The following CNTLN variants were observed in gnomAD, a reference collection of about 807,000 sequenced individuals.
The protein encoded by CNTLN is centlein, also known as centlein, centrosomal protein.
In CNTLN, 212 loss-of-function variants were observed where a neutral mutation model predicts 180.0. The ratio of observed to expected loss-of-function variants is 1.18; its 90% CI spans 1.05 to 1.32. The LOEUF is 1.32. Ranked by LOEUF, CNTLN falls within the 40% of genes most tolerant of loss-of-function variation. The pLI, the probability that CNTLN is intolerant of heterozygous loss-of-function variation, is 0.00. For missense variants in CNTLN, 2,095 were observed against 1,610.9 expected (o/e 1.30, Z -5.14); for synonymous variants, 722 against 563.1 (o/e 1.28, Z -3.99).
At chr9:17,157,770 A>G (rs1048234149) in intron 2 of CNTLN, among the ~76,000 whole-genome samples, 10 of 152,148 alleles carry the variant, frequency 6.6e-5, no homozygotes, top group African/African-American at 2.4e-4. Flanking sequence ...CTTAGTACTT[A>G]TTTGTGAATA....
At chr9:17,447,408 C>A in intron 18 of CNTLN, 1 of 173,194 alleles carries the variant, frequency 5.8e-6, no homozygotes. Flanking sequence ...CCTGGCTTGG[C>A]TTTAAACGTG....
chr9:17,464,387 C>A (rs908762951), intron 20 of CNTLN, 110 bp from the exon 21 acceptor site: 1 of 849,912 alleles, frequency 1.2e-6, no homozygotes, highest in African/African-American at 1.8e-5. Flanking sequence ...GTGTCAATAT[C>A]ACGTAGCATT....
intron 3 of CNTLN, among the ~76,000 whole-genome samples, chr9:17,230,738 G>T (rs1463870096): frequency 6.6e-6 from 1 of 152,030 alleles, no homozygotes. Context: ...AGGAATAATT[G>T]TGTGATCTTC....
At chr9:17,330,105 T>G (rs1328144673) in intron 8 of CNTLN, among the ~76,000 whole-genome samples, 1 of 152,060 alleles carries the variant, frequency 6.6e-6, no homozygotes, top group Non-Finnish European at 1.5e-5. Context: ...GAAACATGAA[T>G]AAATTTCAAA....
chr9:17,415,789 A>G lies in CNTLN; in HGVS notation c.2798A>G (p.Asp933Gly). 6.4e-7 allele frequency: 1 copy of G among 1,571,428 alleles called. No individual in the cohort carries two copies. The highest frequency in any genetic ancestry group is 8.7e-7 in the Non-Finnish European group (1 of 1,143,558). ...YLNIDGKTPK[D>G]YFHDKNAKKP... ...TTTTTATGAAATCTTCAAATTTAGG[A>G]CTATTTTCATGATAAGAATGCCAAA... Residue 933 changes from aspartate (D) to glycine (G), a missense_variant and splice_region_variant, in exon 17 of 26, where the codon GAC (aspartate) becomes GGC (glycine). By Grantham distance (94) the Asp-to-Gly change is moderately conservative. Transcript: ENST00000380647.
the CNTLN span, among the ~76,000 whole-genome samples, chr9:17,526,738 TA>T: frequency 2.0e-4 from 20 of 100,016 alleles, no homozygotes; most frequent in African/African-American, 5.1e-4. Flanking sequence ...GTAAAACATG[TA>T]AAAAAATTAA....
chr9:17,488,343 T>C (rs1178047573), intron 25 of CNTLN, among the ~76,000 whole-genome samples: 1 of 152,114 alleles, frequency 6.6e-6, no homozygotes, highest in African/African-American at 2.4e-5. Flanking sequence ...CAGAGGCCAT[T>C]TCTTAATCAT....
chr9:17,326,905 A>G (rs960557204), intron 8 of CNTLN, among the ~76,000 whole-genome samples: 1 of 152,160 alleles, frequency 6.6e-6, no homozygotes, highest in Admixed American at 6.5e-5. Flanking sequence ...ATAGGAACTA[A>G]ATGTAATGTA....
At chr9:17,250,740 T>A (rs1318880875) in intron 5 of CNTLN, among the ~76,000 whole-genome samples, 1 of 152,046 alleles carries the variant, frequency 6.6e-6, no homozygotes, top group Non-Finnish European at 1.5e-5. Flanking sequence ...TTTATATAGT[T>A]TTTATGTGTT....
chr9:17,216,829 T>G (rs1274112847), intron 2 of CNTLN, among the ~76,000 whole-genome samples: 2 of 152,200 alleles, frequency 1.3e-5, no homozygotes, highest in Non-Finnish European at 2.9e-5. Flanking sequence ...GGTTGCAGTT[T>G]GGAGCATGAT....
chr9:17,272,863 A>T (rs1828045309), intron 5 of CNTLN, among the ~76,000 whole-genome samples: 1 of 151,896 alleles, frequency 6.6e-6, no homozygotes, highest in Non-Finnish European at 1.5e-5. Flanking sequence ...AGATAGAGTA[A>T]GTTTTTAAAA....
intron 2 of CNTLN, among the ~76,000 whole-genome samples, chr9:17,191,660 A>C (rs1821796157): frequency 6.6e-6 from 1 of 152,214 alleles, no homozygotes; most frequent in African/African-American, 2.4e-5. Flanking sequence ...TTTTTGATGG[A>C]AAAATGCTTA....
intron 5 of CNTLN, among the ~76,000 whole-genome samples, chr9:17,238,409 T>C (rs937601408): frequency 6.6e-6 from 1 of 152,186 alleles, no homozygotes; most frequent in African/African-American, 2.4e-5. Flanking sequence ...TCACTGATCT[T>C]CTCCCAGCTT....
At chr9:17,331,310 C>T (rs550807499) in intron 9 of CNTLN, among the ~76,000 whole-genome samples, 1 of 151,492 alleles carries the variant, frequency 6.6e-6, no homozygotes, top group Non-Finnish European at 1.5e-5. Flanking sequence ...AAAGGGATAG[C>T]ATTAAGAGAA....
At chr9:17,165,863 G>C (rs1339632876) in intron 2 of CNTLN, among the ~76,000 whole-genome samples, 1 of 152,172 alleles carries the variant, frequency 6.6e-6, no homozygotes, top group Non-Finnish European at 1.5e-5. Flanking sequence ...AGCATCCCTA[G>C]AGAAACAACA....
Position 17,457,654 on chromosome 9 carries a change from C to T in CNTLN, c.3245C>T (p.Thr1082Ile). 1.3e-6 allele frequency: 2 copies of T among 1,543,792 alleles called. No individual in the cohort carries two copies. The highest frequency in any genetic ancestry group is 2.5e-5 in the East Asian group (1 of 40,674). ...GTAACATTTCCACGGATACAAGTTA[C>T]ATCACTTAGTCCTTCAAGGAGCATG... ...SQVTFPRIQV[T>I]SLSPSRSMDL... Residue 1082 changes from threonine to isoleucine, a missense_variant, in exon 19 of 26, where the codon ACA becomes ATA. Transcript: ENST00000380647.
chr9:17,356,388 A>G (rs1268867625), intron 12 of CNTLN, among the ~76,000 whole-genome samples: 2 of 152,148 alleles, frequency 1.3e-5, no homozygotes, highest in Non-Finnish European at 2.9e-5. Context: ...TTAACCTAAA[A>G]CCTAATTATT....
intron 2 of CNTLN, among the ~76,000 whole-genome samples, chr9:17,199,849 C>T (rs1045604400): frequency 1.3e-5 from 2 of 152,138 alleles, no homozygotes; most frequent in Admixed American, 6.5e-5. Context: ...TTAATTAGAT[C>T]CCATTTGTCA....
intron 18 of CNTLN, among the ~76,000 whole-genome samples, chr9:17,434,948 C>A (rs1323261747): frequency 5.9e-5 from 9 of 152,030 alleles, no homozygotes; most frequent in Admixed American, 5.9e-4. Flanking sequence ...ATAAGTAATG[C>A]ATTATTTCTG....
Sources: allele counts gnomAD v4.1 joint callset (sites outside exome capture counted in the v4.1 genomes callset), GRCh38; gene constraint gnomAD v4.1.1; transcripts MANE v1.5; gene names NCBI Gene and HGNC (gene_info 2026-07-23, HGNC 2026-07-21).